MACF1: variants seen among roughly 807,000 people sequenced by gnomAD.
MACF1 encodes the protein microtubule-actin cross-linking factor 1.
In MACF1, 193 loss-of-function variants were observed where a neutral mutation model predicts 854.8. That is an observed-to-expected ratio of 0.23 (90% confidence interval 0.20 to 0.25). The LOEUF is 0.25. MACF1 is among the 10% of genes least tolerant of loss of function. MACF1 has a pLI of 1.00. For missense variants in MACF1, 7,722 were observed against 8,929.1 expected, an observed-to-expected ratio of 0.86 and a Z score of 5.45; for synonymous variants, 3,185 against 3,226.7, an observed-to-expected ratio of 0.99 and a Z score of 0.44.
intron 2 of MACF1, among the ~76,000 whole-genome samples, chr1:39,099,669 TG>T (rs1293015186): frequency 6.6e-6 from 1 of 152,222 alleles, no homozygotes; most frequent in Non-Finnish European, 1.5e-5. Flanking sequence ...TCAATTGTCT[TG>T]AATCAGATCT....
At chr1:39,187,336 A>G (rs971588224) in intron 2 of MACF1, among the ~76,000 whole-genome samples, 2 of 152,158 alleles carry the variant, frequency 1.3e-5, no homozygotes, top group Non-Finnish European at 1.5e-5. Context: ...ATGTTGAAAC[A>G]TATCAAATAA....
In MACF1 at chr1:39,485,957, A is replaced by T. The variant is rs904796523; in HGVS notation, c.*163A>T. ...TTTCTTTTTGTAAGTTACTATTTTC[A>T]TGTGAATATTTATGTAGATAAAATT... On this transcript the variant is annotated 3_prime_UTR_variant, in exon 101 of 101. Coordinates refer to ENST00000564288, the MANE Select transcript of MACF1 (RefSeq NM_001394062.1). 7 of 751,598 alleles carry T rather than the reference A, an allele frequency of 9.3e-6. No homozygotes were observed. Among genetic ancestry groups the T allele is most frequent in the Non-Finnish European group, 1.3e-5 (7 of 538,078 alleles). 46.6% of individuals were successfully genotyped at this position (751,598 alleles called of 1,614,324 possible).
chr1:39,186,170 ATCTCTCTCTCTCTCTCTCTCTC>A (rs55658204), intron 2 of MACF1, among the ~76,000 whole-genome samples: 151 of 109,992 alleles, frequency 1.4e-3, no homozygotes, highest in Non-Finnish European at 2.0e-3. Flanking sequence ...GATTCTGAAC[ATCTCTCTCTCTCTCTCTCTCTC>A]TCTCTCTCTC....
chr1:39,440,111 C>CT (rs774399403), intron 72 of MACF1, among the ~76,000 whole-genome samples: 3,241 of 64,378 alleles, frequency 0.05, 175 homozygotes, highest in Non-Finnish European at 0.072. Context: ...CTTTTCTTTT[C>CT]TTTTTTTTTT....
upstream of MACF1, among the ~76,000 whole-genome samples, chr1:39,200,730 G>A (rs1199765878): frequency 1.3e-5 from 2 of 151,218 alleles, no homozygotes; most frequent in African/African-American, 4.9e-5. Flanking sequence ...AAAATTCCAG[G>A]CCAGGTCTCT....
At position 39,300,205 on chromosome 1, in the gene MACF1, T is replaced by G. The variant is rs112859847; in HGVS notation, c.2482-5T>G. On this transcript the variant is annotated splice_region_variant and splice_polypyrimidine_tract_variant and intron_variant, in intron 21 of 100. Coordinates refer to ENST00000564288, the MANE Select transcript of MACF1 (RefSeq NM_001394062.1). ...TGTCATTTTGTTTTTCTTATCATTT[T>G]GTAGGATGAAAAGGAGCAGCTTATA... 4 of 1,610,646 alleles carry G rather than the reference T, an allele frequency of 2.5e-6. No individual in the cohort carries two copies. The highest frequency in any genetic ancestry group is 3.4e-6 in the Non-Finnish European group (4 of 1,179,098).
intron 2 of MACF1, among the ~76,000 whole-genome samples, chr1:39,249,313 T>C (rs1248861432): frequency 6.6e-6 from 1 of 152,210 alleles, no homozygotes; most frequent in African/African-American, 2.4e-5. Context: ...CTTGGTGACC[T>C]TGGGCAATTT....
At chr1:39,406,710 AG>A (rs1468220881) in intron 58 of MACF1, among the ~76,000 whole-genome samples, 4 of 135,686 alleles carry the variant, frequency 2.9e-5, no homozygotes, top group Admixed American at 8.7e-5. Flanking sequence ...ACTCCAGTCT[AG>A]GCGACAGAGT....
intron 44 of MACF1, 121 bp downstream of exon 44, chr1:39,353,352 C>G: frequency 1.4e-6 from 1 of 699,860 alleles, no homozygotes; most frequent in Non-Finnish European, 2.4e-6. Flanking sequence ...TCTTTGATGT[C>G]TCAGCAGCTT....
At chr1:39,295,741 G>C (rs898977665) in intron 19 of MACF1, 46 bp from the exon 20 acceptor site, 3 of 1,376,650 alleles carry the variant, frequency 2.2e-6, no homozygotes, top group African/African-American at 1.4e-5. Context: ...TATATATTGA[G>C]TCTGTTAAAC....
At chr1:39,300,184 A>G in intron 21 of MACF1, 26 bp from the exon 22 acceptor site, 1 of 1,609,984 alleles carries the variant, frequency 6.2e-7, no homozygotes, top group Non-Finnish European at 8.5e-7. Flanking sequence ...CATTAATGTC[A>G]TTTTGTTTTT....
At chr1:39,411,327 G>A in intron 58 of MACF1, 1 of 1,614,046 alleles carries the variant, frequency 6.2e-7, no homozygotes, top group Non-Finnish European at 8.5e-7. Flanking sequence ...CAGATGAGAA[G>A]AACAGCCTGG....
Position 39,460,539 on chromosome 1 carries a change from G to C in MACF1, c.21361-93G>C. 9.2e-7 allele frequency: 1 copy of C among 1,089,176 alleles called. No individual in the cohort carries two copies. Among genetic ancestry groups the C allele is most frequent in the Non-Finnish European group, 1.4e-6 (1 of 722,736 alleles). 67.5% of individuals were successfully genotyped at this position (1,089,176 alleles called of 1,614,324 possible). A position where few individuals can be genotyped will look rare whatever the true frequency, so the allele number is the denominator to read the frequency against. ...ATTGTTGATGGCCCCTGGAAGCATG[G>C]CTTTACTGAATGTCTGAAAGTTTGG... On this transcript the variant is annotated intron_variant, in intron 91 of 100. Coordinates refer to ENST00000564288, the MANE Select transcript of MACF1 (RefSeq NM_001394062.1). The surrounding 1 kb of genome is among the most constrained non-coding windows in gnomAD (Gnocchi z 4.1).
intron 29 of MACF1, among the ~76,000 whole-genome samples, chr1:39,317,681 G>T (rs944309026): frequency 5.3e-5 from 8 of 152,278 alleles, no homozygotes; most frequent in African/African-American, 1.9e-4. Flanking sequence ...AAGGTCCCTG[G>T]TGATCTTTTC....
intron 45 of MACF1, among the ~76,000 whole-genome samples, chr1:39,358,247 G>A (rs1335896433): frequency 6.6e-6 from 1 of 152,146 alleles, no homozygotes; most frequent in East Asian, 1.9e-4. Flanking sequence ...CTTTATTTCT[G>A]TCTTTATTTC....
At chr1:39,353,521 T>G (rs1184453273) in intron 44 of MACF1, among the ~76,000 whole-genome samples, 3 of 152,164 alleles carry the variant, frequency 2.0e-5, no homozygotes, top group South Asian at 2.1e-4. Context: ...GAACATACTT[T>G]CCTTGGGCAG....
At chr1:39,437,033 T>C (rs1202421686) in intron 70 of MACF1, among the ~76,000 whole-genome samples, 1 of 152,164 alleles carries the variant, frequency 6.6e-6, no homozygotes, top group Admixed American at 6.5e-5. Flanking sequence ...TCCCATCCAT[T>C]TACACAGCTG....
chr1:39,412,699 A>G, intron 58 of MACF1: 1 of 1,614,006 alleles, frequency 6.2e-7, no homozygotes, highest in Non-Finnish European at 8.5e-7. Context: ...TTTTCCAGAG[A>G]AACAAGTTAC....
intron 2 of MACF1, 32 bp from the exon 3 acceptor site, chr1:39,249,978 CAAAT>C: frequency 8.2e-7 from 1 of 1,219,664 alleles, no homozygotes; most frequent in Non-Finnish European, 1.2e-6. Context: ...AATTCAATAT[CAAAT>C]AAAAATCTGT....
Sources: allele counts gnomAD v4.1 joint callset (sites outside exome capture counted in the v4.1 genomes callset), GRCh38; gene constraint gnomAD v4.1.1; non-coding constraint Gnocchi (gnomAD v3.1); transcripts MANE v1.5; gene names NCBI Gene and HGNC (gene_info 2026-07-23, HGNC 2026-07-21).